MYO7B: variants seen among roughly 807,000 people sequenced by gnomAD.
MYO7B encodes the protein myosin VIIB, also known as unconventional myosin-VIIb.
In MYO7B, 212 loss-of-function variants were observed where a neutral mutation model predicts 259.7. That is an observed-to-expected ratio of 0.82 (90% CI 0.73 to 0.91). The LOEUF is 0.91. MYO7B is among the 40% of genes least tolerant of loss of function. The probability of loss-of-function intolerance (pLI) is 0.00; values close to 1 mark genes in which losing one functional copy is unlikely to be tolerated. For synonymous variants in MYO7B, 1,197 were observed against 1,166.4 expected (o/e 1.03, Z -0.54); for missense variants, 2,732 against 2,813.5 (o/e 0.97, Z 0.66).
At chr2:127,622,195 AG>A in intron 28 of MYO7B, 94 bp downstream of exon 28, 1 of 1,439,222 alleles carries the variant, frequency 6.9e-7, no homozygotes, top group Non-Finnish European at 9.2e-7. Context: ...CTCCTAGGAC[AG>A]AACTTTGTCC....
At chr2:127,570,800 C>T (rs10803588) in intron 6 of MYO7B, among the ~76,000 whole-genome samples, 56,217 of 151,536 alleles carry the variant, frequency 0.37, 12,449 homozygotes, top group East Asian at 0.71. Flanking sequence ...GTCTTTCCCC[C>T]GCCCCCCTTC....
chr2:127,627,387 G>A lies in MYO7B; in HGVS notation c.4460+77G>A, dbSNP rs1460786152. On this transcript the variant is annotated intron_variant, in intron 33 of 47. Coordinates refer to ENST00000409816, the MANE Select transcript of MYO7B (RefSeq NM_001393586.1). The surrounding 1 kb of genome is among the most constrained non-coding windows in gnomAD (Gnocchi z 5.6). ...ATCTGGGGGCTCGGGGAGAGATGGG[G>A]AGAGGGGCAGTGTGCCGTCCCGGGT... 1.3e-6 allele frequency: 2 copies of A among 1,492,756 alleles called. No individual in the cohort carries two copies. The highest frequency in any genetic ancestry group is 1.8e-6 in the Non-Finnish European group (2 of 1,090,426). 92.5% of individuals were successfully genotyped at this position (1,492,756 alleles called of 1,614,324 possible). A position where few individuals can be genotyped will look rare whatever the true frequency, so the allele number is the denominator to read the frequency against.
chr2:127,626,812 T>C, intron 31 of MYO7B, 163 bp from the exon 32 acceptor site: 1 of 635,156 alleles, frequency 1.6e-6, no homozygotes, highest in Non-Finnish European at 2.8e-6. Flanking sequence ...GCTGCACCAG[T>C]CCCTGGGGAC....
chr2:127,624,261 G>A lies in MYO7B; in HGVS notation c.3988G>A (p.Glu1330Lys), dbSNP rs372033406. ...HDSREDPVSTELIYRQVLRGV... is the reference protein window; with the variant it reads ...HDSREDPVSTKLIYRQVLRGV... The stretch of plus-strand genomic sequence containing the variant: ...CTCCCGGGAGGACCCTGTCAGCACC[G>A]AGCTTATTTACCGCCAAGTCCTCCG... Residue 1330 changes from glutamate to lysine, a missense_variant, in exon 30 of 48, where the codon GAG (glutamate) becomes AAG (lysine). Around this residue, in one of 3 missense-constraint regions of MYO7B, gnomAD observed 1,906 missense variants for 2,026.4 expected, o/e 0.94. Transcript: ENST00000409816. The A allele has an allele frequency of 3.9e-5, 63 of 1,595,082 alleles. No homozygotes were observed. The highest frequency in any genetic ancestry group is 1.2e-4 in the African/African-American group (9 of 74,586).
chr2:127,635,044 T>C, intron 42 of MYO7B, 76 bp from the exon 43 acceptor site: 1 of 1,174,642 alleles, frequency 8.5e-7, no homozygotes, highest in Non-Finnish European at 1.2e-6. Context: ...GCAGGCGCAG[T>C]GTGGGGGGTG....
chr2:127,581,809 A>C, intron 10 of MYO7B, 82 bp from the exon 11 acceptor site: 25 of 1,561,588 alleles, frequency 1.6e-5, no homozygotes, highest in East Asian at 9.4e-5. Flanking sequence ...ACGAGAGGGA[A>C]CAAGACTTGG....
Position 127,596,559 on chromosome 2 carries a change from GCCGGCCCC to G in MYO7B, c.2339+4_2339+11del. On this transcript the variant is annotated splice_donor_5th_base_variant and intron_variant, in intron 19 of 47. Transcript: ENST00000409816. ...GTCCTTCGGGGCTACAGATACAGGT[GCCGGCCCC>G]ACCCCAAGGCCCACCCAGCCTACTC... 6.2e-7 allele frequency: 1 copy of G among 1,608,144 alleles called. No individual in the cohort carries two copies. Among genetic ancestry groups the G allele is most frequent in the Non-Finnish European group, 8.5e-7 (1 of 1,177,576 alleles).
At chr2:127,550,379 A>C (rs1398542756) in intron 1 of MYO7B, among the ~76,000 whole-genome samples, 1 of 152,202 alleles carries the variant, frequency 6.6e-6, no homozygotes, top group Non-Finnish European at 1.5e-5. Flanking sequence ...CAGCCTGGCC[A>C]ACATGGAGAA....
chr2:127,572,052 G>C (rs1344979493), intron 6 of MYO7B, among the ~76,000 whole-genome samples: 1 of 152,096 alleles, frequency 6.6e-6, no homozygotes, highest in Non-Finnish European at 1.5e-5. Context: ...CTTATATTTA[G>C]GTTGATGATC....
chr2:127,584,294 A>T lies in MYO7B; in HGVS notation c.1516A>T (p.Ile506Phe), dbSNP rs898400783. Reference sequence around the variant, plus strand: ...CCTGCTGGCCCTCAAGCCCATGAGCATCATCTCCCTCCTGGACGAAGAAAG... The same window carrying T: ...CCTGCTGGCCCTCAAGCCCATGAGCTTCATCTCCCTCCTGGACGAAGAAAG... ...LDLLALKPMS[I>F]ISLLDEESRF... The change falls in exon 13 of 48, where the codon ATC (isoleucine) becomes TTC (phenylalanine). Residue 506 changes from isoleucine to phenylalanine, a missense_variant. Around this residue, in one of 3 missense-constraint regions of MYO7B, gnomAD observed 1,906 missense variants for 2,026.4 expected, o/e 0.94. Transcript: ENST00000409816. This position sits in a 1 kb window ranked among gnomAD's most constrained non-coding sequence, Gnocchi z 5.8. The T allele has an allele frequency of 6.2e-6, 10 of 1,613,854 alleles. No homozygotes were observed. Among genetic ancestry groups the T allele is most frequent in the African/African-American group, 1.3e-5 (1 of 74,926 alleles).
intron 10 of MYO7B, 64 bp downstream of exon 10, chr2:127,580,886 C>A (rs757740738): frequency 1.4e-6 from 2 of 1,443,790 alleles, no homozygotes; most frequent in Non-Finnish European, 1.9e-6. Flanking sequence ...GGCTGACAGA[C>A]CCCTGACACC....
In MYO7B at chr2:127,598,025, C is replaced by T. The variant is rs144790730; in HGVS notation, c.2339+1469C>T. On this transcript the variant is annotated intron_variant, in intron 19 of 47. Transcript: ENST00000409816. ...TAACCATTCACCTGTAGAAGGACAT[C>T]TGGGCTGTTTCCAGTTTTTGGCTTT... Among the ~76,000 whole-genome samples, 178 of 152,274 alleles carry T rather than the reference C, an allele frequency of 1.2e-3. 4 individuals carry two copies. The East Asian group carries it at 0.03, about 25-fold the overall frequency.
At chr2:127,599,196 G>A (rs781458434) in intron 19 of MYO7B, among the ~76,000 whole-genome samples, 28 of 152,084 alleles carry the variant, frequency 1.8e-4, no homozygotes, top group African/African-American at 6.3e-4. Context: ...AACATGATAC[G>A]TAGCTCCATT....
intron 30 of MYO7B, among the ~76,000 whole-genome samples, chr2:127,624,856 A>G (rs1369536643): frequency 6.6e-6 from 1 of 152,202 alleles, no homozygotes; most frequent in African/African-American, 2.4e-5. Context: ...CCCTGTGCCA[A>G]GTCAGGCAGA....
rs1677971211 is a variant in MYO7B, at chr2:127,559,344, C to CTGCT, written c.-23-354_-23-351dup. ...AAAGTTGTGTCTATAGCTCCAGTGG[C>CTGCT]TGCTTACCTGAGCACTTCCCAAGAT... On this transcript the variant is annotated intron_variant, in intron 1 of 47. Transcript: ENST00000409816. The surrounding 1 kb of genome is among the most constrained non-coding windows in gnomAD (Gnocchi z 4.1). Among the ~76,000 whole-genome samples the CTGCT allele has an allele frequency of 6.6e-6, 1 of 152,226 alleles. No homozygotes were observed. Among genetic ancestry groups the CTGCT allele is most frequent in the Admixed American group, 6.5e-5 (1 of 15,288 alleles).
rs933547140 is a variant in MYO7B at position 127,628,785 on chromosome 2, C to T, written c.4624+250C>T. Among the ~76,000 whole-genome samples the T allele has an allele frequency of 1.3e-5, 2 of 152,222 alleles. No homozygotes were observed. The highest frequency in any genetic ancestry group is 2.9e-5 in the Non-Finnish European group (2 of 68,032). The stretch of plus-strand genomic sequence containing the variant: ...CCCTGCATAGGCCAGCCATGCTCAG[C>T]GCTGCACTGCTGCAGAAGCACTGAG... On this transcript the variant is annotated intron_variant, in intron 34 of 47. Transcript: ENST00000409816. This position sits in a 1 kb window ranked among gnomAD's most constrained non-coding sequence, Gnocchi z 4.8.
Position 127,608,212 on chromosome 2 carries a change from C to G in MYO7B, c.2644-496C>G, listed in dbSNP as rs1371344976. 2.0e-5 allele frequency among the ~76,000 whole-genome samples: 3 copies of G among 152,198 alleles called. No homozygotes were observed. In the East Asian group the frequency reaches 5.8e-4, roughly 29 times the overall value. On this transcript the variant is annotated intron_variant, in intron 21 of 47. Transcript: ENST00000409816. ...CTAAGCACACTGCTAATACAGTGAA[C>G]AGGGCAAATGAGAGAATGCACCCAT...
chr2:127,571,871 T>C (rs368466562), intron 6 of MYO7B, among the ~76,000 whole-genome samples: 3 of 152,222 alleles, frequency 2.0e-5, no homozygotes, highest in African/African-American at 7.2e-5. Flanking sequence ...AGTTTGTGGC[T>C]TGTCTTTTCA....
At chr2:127,541,775 G>C (rs1391126732) in intron 1 of MYO7B, among the ~76,000 whole-genome samples, 1 of 152,226 alleles carries the variant, frequency 6.6e-6, no homozygotes, top group African/African-American at 2.4e-5. Context: ...GCCCTTCTGG[G>C]AGGAGAGATT....
Sources: allele counts gnomAD v4.1 joint callset (sites outside exome capture counted in the v4.1 genomes callset), GRCh38; gene constraint gnomAD v4.1.1; regional missense constraint gnomAD v4.1.1; non-coding constraint Gnocchi (gnomAD v3.1); transcripts MANE v1.5; gene names NCBI Gene and HGNC (gene_info 2026-07-23, HGNC 2026-07-21).